Variants in ENTHD1 observed in about 807,000 individuals in gnomAD.
ENTHD1 encodes ENTH domain containing 1.
ENTHD1 carries 23 observed loss-of-function variants against 39.1 expected under a neutral mutation model. That is an observed-to-expected ratio of 0.59 (90% CI 0.42 to 0.83). The LOEUF is 0.83. Among genes scored for constraint, ENTHD1 ranks in the 40% least tolerant of loss-of-function variants. The pLI, the probability that ENTHD1 is intolerant of heterozygous loss-of-function variation, is 0.00. For missense variants in ENTHD1, 624 were observed against 705.4 expected, an observed-to-expected ratio of 0.88 and a Z score of 1.31; for synonymous variants, 230 against 258.2, an observed-to-expected ratio of 0.89 and a Z score of 1.05.
intron 6 of ENTHD1, among the ~76,000 whole-genome samples, chr22:39,748,977 A>C (rs567015619): frequency 1.3e-5 from 2 of 152,310 alleles, no homozygotes; most frequent in Non-Finnish European, 2.9e-5. Flanking sequence ...TCTGGGACCC[A>C]CTGCTTTCTA....
intron 5 of ENTHD1, among the ~76,000 whole-genome samples, chr22:39,772,521 A>G (rs1297709447): frequency 6.6e-6 from 1 of 152,214 alleles, no homozygotes; most frequent in Non-Finnish European, 1.5e-5. Flanking sequence ...TACCAAGTCT[A>G]ATAGGTAAAG....
intron 2 of ENTHD1, chr22:39,874,304 C>T (rs1407923901): frequency 6.6e-6 from 1 of 152,070 alleles, no homozygotes; most frequent in Non-Finnish European, 1.5e-5. Context: ...CTATTTTTAC[C>T]CCATGTTCTC....
At chr22:39,784,543 T>TACACACACACACACACACACAC (rs3044403) in intron 5 of ENTHD1, among the ~76,000 whole-genome samples, 5 of 142,362 alleles carry the variant, frequency 3.5e-5, no homozygotes, top group South Asian at 4.7e-4. Flanking sequence ...TCTCTCTGTA[T>TACACACACACACACACACACAC]ACACACACAC....
At chr22:39,884,810 G>A (rs748890534) in intron 2 of ENTHD1, among the ~76,000 whole-genome samples, 1 of 152,164 alleles carries the variant, frequency 6.6e-6, no homozygotes, top group African/African-American at 2.4e-5. Flanking sequence ...TCATGAAAAA[G>A]AATGAAGTTA....
In ENTHD1 at chr22:39,746,527, G is replaced by A. The variant is rs112993436; in HGVS notation, c.1220-2244C>T. Among the ~76,000 whole-genome samples the A allele has an allele frequency of 8.4e-4, 128 of 152,084 alleles. No individual in the cohort carries two copies. The Middle Eastern group carries it at 0.027, about 33-fold the overall frequency. On this transcript the variant is annotated intron_variant, in intron 6 of 6. Coordinates refer to ENST00000325157, the MANE Select transcript of ENTHD1 (RefSeq NM_152512.4). Reference sequence around the variant, plus strand: ...CAGATGTTGGTACCCCTTGCTGCCCGCTTATGTTTAAGTGTGGAGGATTAA... The same window carrying A: ...CAGATGTTGGTACCCCTTGCTGCCCACTTATGTTTAAGTGTGGAGGATTAA...
chr22:39,861,284 A>G (rs2066137585), intron 3 of ENTHD1, among the ~76,000 whole-genome samples: 1 of 152,248 alleles, frequency 6.6e-6, no homozygotes, highest in South Asian at 2.1e-4. Context: ...TCACGCCTAT[A>G]ATCCCAGCAC....
At chr22:39,806,366 C>T (rs968399057) in intron 5 of ENTHD1, among the ~76,000 whole-genome samples, 3 of 152,214 alleles carry the variant, frequency 2.0e-5, no homozygotes, top group African/African-American at 7.2e-5. Context: ...CAAAAGACAG[C>T]CCTGCTGGTG....
intron 5 of ENTHD1, among the ~76,000 whole-genome samples, chr22:39,797,054 T>TAC (rs951693760): frequency 1.3e-5 from 2 of 152,242 alleles, no homozygotes; most frequent in African/African-American, 2.4e-5. Context: ...CTAGTGTTGG[T>TAC]ACATATATAT....
chr22:39,843,053 A>G lies in ENTHD1; in HGVS notation c.593-7095T>C, dbSNP rs112544435. Among the ~76,000 whole-genome samples, 559 of 151,856 alleles carry G rather than the reference A, an allele frequency of 3.7e-3. 7 individuals carry two copies. Among genetic ancestry groups the G allele is most frequent in the African/African-American group, 0.011 (467 of 41,354 alleles). On this transcript the variant is annotated intron_variant, in intron 3 of 6. Transcript: ENST00000325157. Reference sequence around the variant, plus strand: ...CAACCATGGTGGAAGTCAGTGTGGCAATTCCTCAGGGATCTAGAACTAGAA... The same window carrying G: ...CAACCATGGTGGAAGTCAGTGTGGCGATTCCTCAGGGATCTAGAACTAGAA...
chr22:39,795,724 G>A (rs2065543421), intron 5 of ENTHD1, among the ~76,000 whole-genome samples: 1 of 151,944 alleles, frequency 6.6e-6, no homozygotes, highest in South Asian at 2.1e-4. Flanking sequence ...ACTGTGCCTG[G>A]CTGGAAGACT....
chr22:39,854,213 A>G (rs1378612318), intron 3 of ENTHD1, among the ~76,000 whole-genome samples: 2 of 152,166 alleles, frequency 1.3e-5, no homozygotes, highest in Admixed American at 6.5e-5. Flanking sequence ...ACAGACAGGG[A>G]CCTCAGCCGG....
At chr22:39,871,639 G>A (rs985316226) in intron 2 of ENTHD1, among the ~76,000 whole-genome samples, 7 of 152,076 alleles carry the variant, frequency 4.6e-5, no homozygotes, top group East Asian at 1.9e-4. Flanking sequence ...GTGCTTTGTC[G>A]TCCATCTGAG....
intron 6 of ENTHD1, among the ~76,000 whole-genome samples, chr22:39,744,731 C>G (rs904699422): frequency 1.3e-5 from 2 of 152,080 alleles, no homozygotes; most frequent in Non-Finnish European, 2.9e-5. Context: ...GCAAAATGAA[C>G]TACCAACTAC....
At position 39,887,708 on chromosome 22, in the gene ENTHD1, T is replaced by C; in HGVS notation, c.41A>G (p.Tyr14Cys). ...RRQVKNFVKN[Y>C]SDAEIKVREA... ...CCTGACTTTTATTTCAGCATCTGAG[T>C]AATTTTTCACAAAGTTTTTCACTTG... Residue 14 changes from tyrosine (Y) to cysteine (C), a missense_variant, in exon 2 of 7, where the codon TAC becomes TGC. Transcript: ENST00000325157. 6.3e-7 allele frequency: 1 copy of C among 1,588,874 alleles called. No homozygotes were observed. Among genetic ancestry groups the C allele is most frequent in the Non-Finnish European group, 8.5e-7 (1 of 1,169,782 alleles).
intron 3 of ENTHD1, among the ~76,000 whole-genome samples, 166 bp downstream of exon 3, chr22:39,861,596 ATCT>A (rs1271344203): frequency 3.9e-5 from 6 of 152,108 alleles, no homozygotes; most frequent in Non-Finnish European, 8.8e-5. Context: ...AGGTCATAAA[ATCT>A]TCTATTGAAT....
chr22:39,863,940 C>T (rs1011415465), intron 2 of ENTHD1, among the ~76,000 whole-genome samples: 3 of 152,206 alleles, frequency 2.0e-5, no homozygotes, highest in Non-Finnish European at 4.4e-5. Flanking sequence ...TCTAATCTCA[C>T]TTCTTAGTTA....
chr22:39,854,215 C>T (rs2066066810), intron 3 of ENTHD1, among the ~76,000 whole-genome samples: 1 of 152,120 alleles, frequency 6.6e-6, no homozygotes, highest in African/African-American at 2.4e-5. Context: ...AGACAGGGAC[C>T]TCAGCCGGGA....
chr22:39,856,284 A>AAC (rs1260048874), intron 3 of ENTHD1, among the ~76,000 whole-genome samples: 2 of 151,858 alleles, frequency 1.3e-5, no homozygotes, highest in Middle Eastern at 3.4e-3. Context: ...CAAAAAAAAA[A>AAC]AAAAAAAAAA....
At chr22:39,747,864 G>C (rs971651157) in intron 6 of ENTHD1, among the ~76,000 whole-genome samples, 7 of 152,050 alleles carry the variant, frequency 4.6e-5, no homozygotes, top group Admixed American at 4.6e-4. Flanking sequence ...GTGATGCTCA[G>C]AGCTCATGCA....
Sources: allele counts gnomAD v4.1 joint callset (sites outside exome capture counted in the v4.1 genomes callset), GRCh38; gene constraint gnomAD v4.1.1; transcripts MANE v1.5; gene names NCBI Gene and HGNC (gene_info 2026-07-23, HGNC 2026-07-21).